Variants in ATAD1 observed in about 807,000 individuals in gnomAD.
ATAD1 encodes the protein ATPase family AAA domain containing 1.
Under a neutral mutation model 42.7 loss-of-function variants are expected in ATAD1, and 18 were observed. The ratio of observed to expected loss-of-function variants is 0.42; its 90% CI spans 0.29 to 0.63. ATAD1 has a LOEUF of 0.63. Among genes scored for constraint, ATAD1 ranks in the 20% least tolerant of loss-of-function variants. ATAD1 has a pLI of 0.19. For synonymous variants in ATAD1, 132 were observed against 143.1 expected (o/e 0.92, Z 0.55); for missense variants, 294 against 440.4 (o/e 0.67, Z 2.98).
chr10:87,830,927 G>A (rs1352836513), intron 1 of ATAD1, among the ~76,000 whole-genome samples: 1 of 152,152 alleles, frequency 6.6e-6, no homozygotes, highest in African/African-American at 2.4e-5. Context: ...CAGACTCTCA[G>A]GATTAAAAGG....
chr10:87,823,506 C>A (rs1368394591), intron 1 of ATAD1, among the ~76,000 whole-genome samples: 1 of 152,094 alleles, frequency 6.6e-6, no homozygotes, highest in Non-Finnish European at 1.5e-5. Context: ...AGAGTGATCC[C>A]CCTAGGATTA....
intron 1 of ATAD1, among the ~76,000 whole-genome samples, chr10:87,824,713 A>G (rs546673266): frequency 6.6e-6 from 1 of 152,176 alleles, no homozygotes; most frequent in African/African-American, 2.4e-5. Flanking sequence ...TTGCATGAGG[A>G]CCTTACCTCT....
At chr10:87,778,050 T>TTAA (rs914068855) in intron 5 of ATAD1, among the ~76,000 whole-genome samples, 20 of 151,862 alleles carry the variant, frequency 1.3e-4, no homozygotes, top group African/African-American at 4.8e-4. Flanking sequence ...CTTCACTAAG[T>TTAA]GGTTTTGGCA....
At chr10:87,811,052 G>A (rs996998209) in intron 2 of ATAD1, among the ~76,000 whole-genome samples, 6 of 152,012 alleles carry the variant, frequency 3.9e-5, no homozygotes, top group Non-Finnish European at 8.8e-5. Context: ...AGATTTTTAG[G>A]CCAGACACAG....
chr10:87,757,804 T>C (rs1315983403), intron 8 of ATAD1, among the ~76,000 whole-genome samples: 1 of 152,208 alleles, frequency 6.6e-6, no homozygotes, highest in Non-Finnish European at 1.5e-5. Context: ...TTCCCATTTG[T>C]ATACGTGGAA....
At chr10:87,764,805 A>G (rs1310386815) in intron 8 of ATAD1, among the ~76,000 whole-genome samples, 1 of 152,192 alleles carries the variant, frequency 6.6e-6, no homozygotes, top group Non-Finnish European at 1.5e-5. Flanking sequence ...TAGTTTCTCC[A>G]GTAAATAATT....
chr10:87,793,033 C>G (rs1339456150), intron 2 of ATAD1, among the ~76,000 whole-genome samples: 1 of 152,078 alleles, frequency 6.6e-6, no homozygotes, highest in Admixed American at 6.6e-5. Context: ...AAGAGGGGCT[C>G]CCATTGTTTC....
chr10:87,814,830 T>A, intron 1 of ATAD1: 1 of 295,512 alleles, frequency 3.4e-6, no homozygotes, highest in Non-Finnish European at 6.2e-6. Context: ...AGAAGTAGAC[T>A]AGAAATTAAG....
intron 5 of ATAD1, among the ~76,000 whole-genome samples, chr10:87,782,920 C>G (rs1164549763): frequency 6.6e-6 from 1 of 151,810 alleles, no homozygotes; most frequent in Non-Finnish European, 1.5e-5. Context: ...ATCGCTTGAG[C>G]CGGGGAGGTC....
intron 6 of ATAD1, among the ~76,000 whole-genome samples, chr10:87,775,507 G>T (rs1589486948): frequency 1.7e-5 from 2 of 117,232 alleles, no homozygotes; most frequent in Non-Finnish European, 3.5e-5. Context: ...ATAAGTAAGT[G>T]ATTCATTAAA....
intron 2 of ATAD1, among the ~76,000 whole-genome samples, chr10:87,809,364 T>C (rs1465838363): frequency 6.6e-6 from 1 of 152,176 alleles, no homozygotes; most frequent in Non-Finnish European, 1.5e-5. Flanking sequence ...GAAAGCATGT[T>C]ATTTAAAAAA....
intron 6 of ATAD1, 63 bp downstream of exon 6, chr10:87,776,258 A>C (rs1855298563): frequency 3.1e-6 from 4 of 1,287,628 alleles, no homozygotes; most frequent in African/African-American, 1.5e-5. Flanking sequence ...TAAGTAGCCC[A>C]GCAAATTTTC....
At chr10:87,832,442 GT>G (rs1310884127) in intron 1 of ATAD1, among the ~76,000 whole-genome samples, 1 of 150,850 alleles carries the variant, frequency 6.6e-6, no homozygotes, top group African/African-American at 2.4e-5. Flanking sequence ...GTGTGGGACT[GT>G]TTCTGGGCTG....
At chr10:87,824,063 A>G (rs1471655776) in intron 1 of ATAD1, among the ~76,000 whole-genome samples, 5 of 149,446 alleles carry the variant, frequency 3.3e-5, no homozygotes, top group Non-Finnish European at 5.9e-5. Context: ...CTCAGCTCAC[A>G]GAATTATAGT....
chr10:87,836,423 A>C (rs1363548811), intron 1 of ATAD1, among the ~76,000 whole-genome samples: 1 of 152,170 alleles, frequency 6.6e-6, no homozygotes, highest in African/African-American at 2.4e-5. Context: ...GTTTATTTCA[A>C]ATTTAATCAT....
At chr10:87,756,032 G>A (rs540391245) in intron 9 of ATAD1, among the ~76,000 whole-genome samples, 2 of 152,286 alleles carry the variant, frequency 1.3e-5, no homozygotes, top group East Asian at 1.9e-4. Context: ...ATCAAAGCTC[G>A]CAAAACATTT....
chr10:87,795,488 T>G (rs1856341332), intron 2 of ATAD1, among the ~76,000 whole-genome samples: 1 of 149,640 alleles, frequency 6.7e-6, no homozygotes, highest in Admixed American at 6.7e-5. Context: ...TTAAAGTAGG[T>G]CTCTCCAAGT....
intron 1 of ATAD1, 93 bp downstream of exon 1, chr10:87,818,074 C>T (rs938844549): frequency 1.0e-6 from 1 of 985,622 alleles, no homozygotes. Context: ...GTGACCTTTC[C>T]TCCGGGGGTT....
At chr10:87,831,198 C>T (rs1857822256) in intron 1 of ATAD1, among the ~76,000 whole-genome samples, 1 of 152,178 alleles carries the variant, frequency 6.6e-6, no homozygotes, top group South Asian at 2.1e-4. Context: ...TTAGAAATGA[C>T]TGTGTTTGTT....
Sources: gnomAD v4.1 joint callset for allele counts (sites outside exome capture counted in the v4.1 genomes callset) on GRCh38, gnomAD v4.1.1 for gene constraint, MANE v1.5 for transcripts, NCBI Gene and HGNC (gene_info 2026-07-23, HGNC 2026-07-21) for gene names.